The following ZFP28 variants were observed in gnomAD, a reference collection of about 807,000 sequenced individuals.
ZFP28 encodes ZFP28 zinc finger protein.
A neutral mutation model predicts 39.5 loss-of-function variants in ZFP28; 31 were observed. The ratio of observed to expected loss-of-function variants is 0.79; its 90% CI spans 0.59 to 1.06. The LOEUF (loss-of-function observed/expected upper bound fraction) is 1.06. ZFP28 is among the 50% of genes least tolerant of loss of function. ZFP28 has a pLI of 0.00. For synonymous variants in ZFP28, 400 were observed against 378.6 expected (o/e 1.06, Z -0.66); for missense variants, 925 against 1,048.4 (o/e 0.88, Z 1.63).
At chr19:56,538,509 C>T (rs1250487779), upstream of ZFP28, 3 of 152,652 alleles carry the variant, frequency 2.0e-5, no homozygotes, top group Non-Finnish European at 2.9e-5. Flanking sequence ...TCCGGCCACA[C>T]CCAGGCCCAG....
chr19:56,550,523 T>TA lies in ZFP28; in HGVS notation c.818dup (p.Pro274AlafsTer33). 6.2e-7 allele frequency: 1 copy of TA among 1,614,054 alleles called. No individual in the cohort carries two copies. The highest frequency in any genetic ancestry group is 8.5e-7 in the Non-Finnish European group (1 of 1,180,022). ...TCACTTTTTCAGGACATTGTGTGGCTAAGCCAGATTTAGTCTCTTTACTAG... is the reference window on the plus strand; with the variant it reads ...TCACTTTTTCAGGACATTGTGTGGCTAAAGCCAGATTTAGTCTCTTTACTAG... On this transcript the variant is annotated frameshift_variant, in exon 7 of 8. Coordinates refer to ENST00000301318, the MANE Select transcript of ZFP28 (RefSeq NM_020828.2). LOFTEE classifies it high-confidence loss of function.
intron 2 of ZFP28, among the ~76,000 whole-genome samples, chr19:56,542,454 A>G (rs866354295): frequency 5.3e-5 from 8 of 152,292 alleles, no homozygotes; most frequent in South Asian, 2.1e-4. Context: ...CGCCCAGACA[A>G]TAATTGTATT....
upstream of ZFP28, among the ~76,000 whole-genome samples, chr19:56,538,767 AGGGGC>A (rs1176564398): frequency 3.5e-3 from 357 of 102,670 alleles, 5 homozygotes; most frequent in East Asian, 0.017. Context: ...CTCTAGGCTG[AGGGGC>A]GGGGCGGGGC....
In ZFP28 at chr19:56,554,127, T is replaced by C. The variant is rs1443142206; in HGVS notation, c.1342T>C (p.Tyr448His). Residue 448 changes from tyrosine (Y) to histidine (H), a missense_variant, in exon 8 of 8, where the codon TAT becomes CAT. This residue lies in a region of ZFP28 where 556 missense variants were observed against 542.9 expected (regional missense o/e 1.02). Transcript: ENST00000301318. The surrounding 1 kb of genome is among the most constrained non-coding windows in gnomAD (Gnocchi z 6.7). Reference protein sequence around the residue: ...HQRIHTGEKPYKCNECGKAFS... With the variant: ...HQRIHTGEKPHKCNECGKAFS... Reference sequence around the variant, plus strand: ...GAGAATTCACACTGGAGAGAAACCTTATAAATGTAATGAATGTGGGAAGGC... The same window carrying C: ...GAGAATTCACACTGGAGAGAAACCTCATAAATGTAATGAATGTGGGAAGGC... The C allele has an allele frequency of 6.2e-7, 1 of 1,614,082 alleles. No homozygotes were observed. The highest frequency in any genetic ancestry group is 8.5e-7 in the Non-Finnish European group (1 of 1,180,048).
Position 56,555,474 on chromosome 19 carries a change from ATTAGTTAG to A in ZFP28, c.*85_*92del, listed in dbSNP as rs3065645. 2.1e-6 allele frequency: 3 copies of A among 1,463,200 alleles called. No individual in the cohort carries two copies. Among genetic ancestry groups the A allele is most frequent in the Non-Finnish European group, 2.7e-6 (3 of 1,091,076 alleles). The allele number at this position is 1,463,200 out of a possible 1,614,324, so 90.6% of individuals were successfully genotyped here. On this transcript the variant is annotated 3_prime_UTR_variant, in exon 8 of 8. Transcript: ENST00000301318. ...CCCTTTTGTTTTCTTTTTGTCCCTTATTAGTTAGTTCTTCACATAAGTGTAAATGTAAC... is the reference window on the plus strand; with the variant it reads ...CCCTTTTGTTTTCTTTTTGTCCCTTATTCTTCACATAAGTGTAAATGTAAC...
chr19:56,549,973 G>A lies in ZFP28; in HGVS notation c.688-94G>A, dbSNP rs2044280893. The A allele has an allele frequency of 4.5e-6, 4 of 885,782 alleles. No individual in the cohort carries two copies. The Admixed American group carries it at 7.2e-5, about 16-fold the overall frequency. 54.9% of individuals were successfully genotyped at this position (885,782 alleles called of 1,614,324 possible). ...TAAGTTGCAGTTCTTGGTATGGAGT[G>A]CCTTTTTTGCAGTGTGGACACAGTC... On this transcript the variant is annotated intron_variant, in intron 5 of 7. Transcript: ENST00000301318.
intron 7 of ZFP28, chr19:56,551,583 A>G (rs2044303861): frequency 3.0e-6 from 3 of 985,206 alleles, no homozygotes; most frequent in Admixed American, 6.1e-5. Flanking sequence ...GTATTCCTGG[A>G]TATGAGCACC....
chr19:56,555,701 G>C lies in ZFP28; in HGVS notation c.*309G>C, dbSNP rs1178765110. The C allele has an allele frequency of 3.7e-6, 1 of 266,870 alleles. No individual in the cohort carries two copies. Among genetic ancestry groups the C allele is most frequent in the Non-Finnish European group, 7.0e-6 (1 of 143,226 alleles). The allele number at this position is 266,870 out of a possible 1,614,324, so 16.5% of individuals were successfully genotyped here. A position where few individuals can be genotyped will look rare whatever the true frequency, so the allele number is the denominator to read the frequency against. On this transcript the variant is annotated 3_prime_UTR_variant, in exon 8 of 8. Coordinates refer to ENST00000301318, the MANE Select transcript of ZFP28 (RefSeq NM_020828.2). ...TGCAGTAGGGTGAGGGTAGGAAAAA[G>C]CACATTTTCTATCAGGAACAGAATT... is the stretch of plus-strand genomic sequence containing the variant.
In ZFP28 at chr19:56,554,986, G is replaced by A; in HGVS notation, c.2201G>A (p.Cys734Tyr). The A allele has an allele frequency of 6.2e-7, 1 of 1,614,148 alleles. No individual in the cohort carries two copies. The highest frequency in any genetic ancestry group is 1.1e-5 in the South Asian group (1 of 91,088). Residue 734 changes from cysteine (C) to tyrosine (Y), a missense_variant, in exon 8 of 8, where the codon TGT (cysteine) becomes TAT (tyrosine). Cys to Tyr is a radical substitution (Grantham distance 194, BLOSUM62 -2). Transcript: ENST00000301318. The surrounding 1 kb of genome is among the most constrained non-coding windows in gnomAD (Gnocchi z 6.7). The stretch of plus-strand genomic sequence containing the variant: ...CAAAGACCTTATGAATGTATTGAGT[G>A]TGGAAAGGCATTCAAGACAAAATCC... Reference protein sequence around the residue: ...TGQRPYECIECGKAFKTKSSL... With the variant: ...TGQRPYECIEYGKAFKTKSSL...
rs577404300 is a variant in ZFP28 at position 56,544,271 on chromosome 19, C to T, written c.301-3237C>T. Among the ~76,000 whole-genome samples the T allele has an allele frequency of 1.2e-3, 187 of 152,358 alleles. 1 individual carries two copies. In the South Asian group the frequency reaches 0.02, roughly 16 times the overall value. On this transcript the variant is annotated intron_variant, in intron 2 of 7. Transcript: ENST00000301318. ...CTATAGGCCAAATCCAGCCCACCAC[C>T]ACCTCCTTTTGTGTGGCCCACCAGC...
chr19:56,545,764 C>T (rs555945137), intron 2 of ZFP28: 1 of 152,182 alleles, frequency 6.6e-6, no homozygotes, highest in Non-Finnish European at 1.5e-5. Context: ...AGGTGAGTTT[C>T]CCAAGACAGG....
chr19:56,538,927 G>C (rs995363764), upstream of ZFP28: 1 of 1,128,986 alleles, frequency 8.9e-7, no homozygotes, highest in Non-Finnish European at 1.1e-6. Context: ...GAGCGCGCGC[G>C]GGGCTGTTCG....
chr19:56,538,149 G>A (rs1321137164), upstream of ZFP28: 1 of 152,318 alleles, frequency 6.6e-6, no homozygotes, highest in African/African-American at 2.4e-5. Flanking sequence ...GTATTTTGGA[G>A]GATGGGAGGC....
At chr19:56,550,881 G>A in intron 7 of ZFP28, 1 of 1,438,098 alleles carries the variant, frequency 7.0e-7, no homozygotes, top group Non-Finnish European at 9.1e-7. Flanking sequence ...TCTGGACCCT[G>A]ATGCACTTTT....
intron 2 of ZFP28, chr19:56,546,439 C>G (rs2147953534): frequency 6.6e-6 from 1 of 152,264 alleles, no homozygotes; most frequent in East Asian, 1.9e-4. Context: ...CCCCATCTTG[C>G]CAGTTGGTCA....
chr19:56,547,712 C>A lies in ZFP28; in HGVS notation c.427+78C>A. The A allele has an allele frequency of 6.3e-7, 1 of 1,589,970 alleles. No homozygotes were observed. Among genetic ancestry groups the A allele is most frequent in the Non-Finnish European group, 8.6e-7 (1 of 1,166,076 alleles). On this transcript the variant is annotated intron_variant, in intron 3 of 7. Coordinates refer to ENST00000301318, the MANE Select transcript of ZFP28 (RefSeq NM_020828.2). This position sits in a 1 kb window ranked among gnomAD's most constrained non-coding sequence, Gnocchi z 4.6. ...AAGAAGCCTTTCATGCCTTTATCACCCAGACCTGCACTGCCCTCTTGCGTC... is the reference window on the plus strand; with the variant it reads ...AAGAAGCCTTTCATGCCTTTATCACACAGACCTGCACTGCCCTCTTGCGTC...
In ZFP28 at chr19:56,555,290, T is replaced by A; in HGVS notation, c.2505T>A (p.His835Gln). 6.2e-7 allele frequency: 1 copy of A among 1,614,186 alleles called. No homozygotes were observed. The highest frequency in any genetic ancestry group is 8.5e-7 in the Non-Finnish European group (1 of 1,180,042). Residue 835 changes from histidine to glutamine, a missense_variant, in exon 8 of 8, where the codon CAT becomes CAA. By Grantham distance (24) the His-to-Gln change is conservative (BLOSUM62 0). Coordinates refer to ENST00000301318, the MANE Select transcript of ZFP28 (RefSeq NM_020828.2). The stretch of plus-strand genomic sequence containing the variant: ...ACTTAGCTCATCATCAGCGAATTCA[T>A]ACTGGAGAGTCGTCAACATGCCCCT... ...TAHLAHHQRI[H>Q]TGESSTCPSL...
At chr19:56,551,883 T>A in intron 7 of ZFP28, 1 of 982,680 alleles carries the variant, frequency 1.0e-6, no homozygotes, top group African/African-American at 1.7e-5. Flanking sequence ...ATAAGCATAC[T>A]AATTCTGTGA....
At position 56,555,104 on chromosome 19, in the gene ZFP28, T is replaced by C. The variant is rs1215310780; in HGVS notation, c.2319T>C (p.Ser773=). The C allele has an allele frequency of 6.2e-7, 1 of 1,614,062 alleles. No homozygotes were observed. Among genetic ancestry groups the C allele is most frequent in the Non-Finnish European group, 8.5e-7 (1 of 1,180,046 alleles). ...CCTTTAGTCATCGTCAATCCCTTAG[T>C]GTACATCAGAGAATCCATTCTGGAA... ...GKAFSHRQSL[S]VHQRIHSGKK... Residue 773 remains serine (S), a synonymous_variant, in exon 8 of 8, where the codon AGT becomes AGC. Coordinates refer to ENST00000301318, the MANE Select transcript of ZFP28 (RefSeq NM_020828.2).
Sources: gnomAD v4.1 joint callset for allele counts (sites outside exome capture counted in the v4.1 genomes callset) on GRCh38, gnomAD v4.1.1 for gene constraint, gnomAD v4.1.1 regional missense constraint, Gnocchi (gnomAD v3.1) non-coding constraint, MANE v1.5 for transcripts, NCBI Gene and HGNC (gene_info 2026-07-23, HGNC 2026-07-21) for gene names.